The following TRARG1 variants were observed in gnomAD, a reference collection of about 807,000 sequenced individuals.
TRARG1 encodes the protein trafficking regulator of GLUT4 1.
In TRARG1, 16 loss-of-function variants were observed where a neutral mutation model predicts 13.3. The ratio of observed to expected loss-of-function variants is 1.20; its 90% CI spans 0.81 to 1.83. The LOEUF (loss-of-function observed/expected upper bound fraction) is 1.83. TRARG1 is among the 40% of genes most tolerant of loss of function. TRARG1 has a pLI of 0.00. For missense variants in TRARG1, 250 were observed against 237.4 expected (o/e 1.05, Z -0.35); for synonymous variants, 113 against 106.2 (o/e 1.06, Z -0.39).
At position 1,298,622 on chromosome 17, in the gene TRARG1, A is replaced by C. The variant is rs1054597023; in HGVS notation, c.*358A>C. On this transcript the variant is annotated 3_prime_UTR_variant, in exon 3 of 3. Coordinates refer to ENST00000333813, the MANE Select transcript of TRARG1 (RefSeq NM_172367.3). Reference sequence around the variant, plus strand: ...ATGAGGAAAAAACCCAGCCCCACAAACGAGACACACGCTGGCGGGGAGAGA... The same window carrying C: ...ATGAGGAAAAAACCCAGCCCCACAACCGAGACACACGCTGGCGGGGAGAGA... 15 of 277,178 alleles carry C rather than the reference A, an allele frequency of 5.4e-5. No individual in the cohort carries two copies. The highest frequency in any genetic ancestry group is 1.0e-3 in the Middle Eastern group (1 of 970). The allele number at this position is 277,178 out of a possible 1,614,324, so 17.2% of individuals were successfully genotyped here.
chr17:1,287,461 C>T (rs113700814), intron 1 of TRARG1, among the ~76,000 whole-genome samples: 2,722 of 150,442 alleles, frequency 0.018, 102 homozygotes, highest in African/African-American at 0.063. Context: ...CCCAGGTTCA[C>T]GCCATTCTCC....
At chr17:1,283,025 C>T (rs1598188412) in intron 1 of TRARG1, among the ~76,000 whole-genome samples, 2 of 152,196 alleles carry the variant, frequency 1.3e-5, no homozygotes, top group East Asian at 3.9e-4. Flanking sequence ...TGATGAATAC[C>T]AGGCTGGGCA....
At chr17:1,297,421 A>G (rs780168373) in intron 2 of TRARG1, among the ~76,000 whole-genome samples, 1 of 151,916 alleles carries the variant, frequency 6.6e-6, no homozygotes, top group Non-Finnish European at 1.5e-5. Context: ...CAGGTCCCAC[A>G]CTTTCTCACT....
At position 1,280,403 on chromosome 17, in the gene TRARG1, T is replaced by C; in HGVS notation, c.387+15T>C. On this transcript the variant is annotated intron_variant, in intron 1 of 2. Coordinates refer to ENST00000333813, the MANE Select transcript of TRARG1 (RefSeq NM_172367.3). The stretch of plus-strand genomic sequence containing the variant: ...TTTCCATCATGGTAAGTGCTGGTCT[T>C]TGTTCCAGGGGCAGGGGCTGGGCCC... 1.3e-6 allele frequency: 2 copies of C among 1,564,170 alleles called. No individual in the cohort carries two copies. Among genetic ancestry groups the C allele is most frequent in the Non-Finnish European group, 1.7e-6 (2 of 1,156,152 alleles).
chr17:1,284,598 T>C (rs1172842383), intron 1 of TRARG1, among the ~76,000 whole-genome samples: 1 of 152,234 alleles, frequency 6.6e-6, no homozygotes, highest in African/African-American at 2.4e-5. Flanking sequence ...TTCAGTCGAC[T>C]TGAACAGCAA....
chr17:1,291,339 G>A (rs12450409), intron 1 of TRARG1, among the ~76,000 whole-genome samples: 36,657 of 152,132 alleles, frequency 0.24, 4,712 homozygotes, highest in East Asian at 0.4. Context: ...TTAAACTCCC[G>A]ACTTCAGGTG....
Position 1,295,581 on chromosome 17 carries a change from G to C in TRARG1, c.478G>C (p.Gly160Arg). 1 of 1,613,250 alleles carries C rather than the reference G, an allele frequency of 6.2e-7. No homozygotes were observed. Among genetic ancestry groups the C allele is most frequent in the Non-Finnish European group, 8.5e-7 (1 of 1,179,758 alleles). Residue 160 changes from glycine (G) to arginine (R), a missense_variant, in exon 2 of 3, where the codon GGC becomes CGC. By Grantham distance (125) the Gly-to-Arg change is moderately radical. Transcript: ENST00000333813. The stretch of plus-strand genomic sequence containing the variant: ...GCTCAGCATTACCCTCATCATCATG[G>C]GCATCGTCATTATCATGGTGGCCGT... ...RLLSITLIIMGIVIIMVAVTV... is the reference protein window; with the variant it reads ...RLLSITLIIMRIVIIMVAVTV...
At chr17:1,280,783 C>G (rs1160031029) in intron 1 of TRARG1, among the ~76,000 whole-genome samples, 1 of 152,176 alleles carries the variant, frequency 6.6e-6, no homozygotes, top group Non-Finnish European at 1.5e-5. Flanking sequence ...AGAGGTTGCA[C>G]CGGACGGGGG....
At position 1,299,631 on chromosome 17, in the gene TRARG1, C is replaced by T. The variant is rs551600411; in HGVS notation, c.*1367C>T. 1 of 152,484 alleles carries T rather than the reference C, an allele frequency of 6.6e-6. No individual in the cohort carries two copies. Among genetic ancestry groups the T allele is most frequent in the South Asian group, 2.1e-4 (1 of 4,820 alleles). 9.4% of individuals were successfully genotyped at this position (152,484 alleles called of 1,614,324 possible). ...CTGGCCCAGGCTCCAGCCACAGGCA[C>T]CTCTCCTGCCCCCGCCCACCCTCCT... is the stretch of plus-strand genomic sequence containing the variant. On this transcript the variant is annotated 3_prime_UTR_variant, in exon 3 of 3. Coordinates refer to ENST00000333813, the MANE Select transcript of TRARG1 (RefSeq NM_172367.3).
intron 2 of TRARG1, among the ~76,000 whole-genome samples, chr17:1,296,339 G>A (rs538298032): frequency 6.6e-6 from 1 of 151,884 alleles, no homozygotes; most frequent in Admixed American, 6.6e-5. Context: ...TGGGATTACA[G>A]GCACCAGCCA....
rs772596247 is a variant in TRARG1, at chr17:1,295,589, C to T, written c.486C>T (p.Val162=). 1.2e-6 allele frequency: 2 copies of T among 1,613,156 alleles called. No homozygotes were observed. The highest frequency in any genetic ancestry group is 1.7e-6 in the Non-Finnish European group (2 of 1,179,732). ...TTACCCTCATCATCATGGGCATCGT[C>T]ATTATCATGGTGGCCGTGACCGTCA... ...LSITLIIMGI[V]IIMVAVTVNF... Residue 162 remains valine (V), a synonymous_variant, in exon 2 of 3, where the codon GTC becomes GTT. Transcript: ENST00000333813.
At chr17:1,290,993 C>A (rs1217104973) in intron 1 of TRARG1, among the ~76,000 whole-genome samples, 1 of 151,914 alleles carries the variant, frequency 6.6e-6, no homozygotes, top group Non-Finnish European at 1.5e-5. Flanking sequence ...GCAACCTCCA[C>A]CTCCCGGGTT....
intron 1 of TRARG1, among the ~76,000 whole-genome samples, chr17:1,290,003 G>A (rs2072058887): frequency 6.6e-6 from 1 of 152,102 alleles, no homozygotes; most frequent in African/African-American, 2.4e-5. Flanking sequence ...CAGCACCCAA[G>A]CCGGGAACCT....
rs201414985 is a variant in TRARG1 at position 1,295,590 on chromosome 17, A to G, written c.487A>G (p.Ile163Val). 27 of 1,613,052 alleles carry G rather than the reference A, an allele frequency of 1.7e-5. No homozygotes were observed. The East Asian group carries it at 6.0e-4, about 36-fold the overall frequency. The part of the protein sequence containing the change: ...SITLIIMGIV[I>V]IMVAVTVNFT... ...TACCCTCATCATCATGGGCATCGTC[A>G]TTATCATGGTGGCCGTGACCGTCAA... Residue 163 changes from isoleucine to valine, a missense_variant, in exon 2 of 3, where the codon ATT becomes GTT. Transcript: ENST00000333813.
chr17:1,280,229 G>T lies in TRARG1; in HGVS notation c.228G>T (p.Arg76=). Residue 76 remains arginine (R), a synonymous_variant, in exon 1 of 3, where the codon CGG becomes CGT. Coordinates refer to ENST00000333813, the MANE Select transcript of TRARG1 (RefSeq NM_172367.3). ...GGCACCTGGAGGCCCCACTGCCTCG[G>T]TCCCCCTCCCGGGCCAGCTCAAGGA... is the stretch of plus-strand genomic sequence containing the variant. The part of the protein sequence containing the change: ...SEGHLEAPLP[R]SPSRASSRRA... The T allele has an allele frequency of 6.2e-7, 1 of 1,614,058 alleles. No individual in the cohort carries two copies. The highest frequency in any genetic ancestry group is 8.5e-7 in the Non-Finnish European group (1 of 1,179,994).
chr17:1,286,056 G>A (rs1243187560), intron 1 of TRARG1, among the ~76,000 whole-genome samples: 2 of 152,234 alleles, frequency 1.3e-5, no homozygotes, highest in Non-Finnish European at 1.5e-5. Context: ...TGGATGAGCT[G>A]AGGTCCTGGA....
At position 1,281,530 on chromosome 17, in the gene TRARG1, G is replaced by GTAC. The variant is rs1315670628; in HGVS notation, c.387+1146_387+1148dup. Reference sequence around the variant, plus strand: ...AGCCTTCCCCATCCCACCAAAGCCAGTACTACCTTTCAGGACATCAGGGGG... The same window carrying GTAC: ...AGCCTTCCCCATCCCACCAAAGCCAGTACTACTACCTTTCAGGACATCAGGGGG... On this transcript the variant is annotated intron_variant, in intron 1 of 2. Coordinates refer to ENST00000333813, the MANE Select transcript of TRARG1 (RefSeq NM_172367.3). Among the ~76,000 whole-genome samples the GTAC allele has an allele frequency of 3.3e-5, 5 of 152,186 alleles. No individual in the cohort carries two copies. In the East Asian group the frequency reaches 9.6e-4, roughly 29 times the overall value.
intron 1 of TRARG1, among the ~76,000 whole-genome samples, chr17:1,294,187 G>T (rs1054406441): frequency 6.6e-6 from 1 of 152,062 alleles, no homozygotes; most frequent in Non-Finnish European, 1.5e-5. Context: ...CCTTAGAGAT[G>T]CTTGGGCTCC....
At chr17:1,284,122 A>AAAAAGAAAG (rs568425326) in intron 1 of TRARG1, among the ~76,000 whole-genome samples, 1 of 149,404 alleles carries the variant, frequency 6.7e-6, no homozygotes, top group African/African-American at 2.5e-5. Flanking sequence ...CTCAAAAAAA[A>AAAAAGAAAG]AAAGAAAGAA....
Sources: allele counts gnomAD v4.1 joint callset (sites outside exome capture counted in the v4.1 genomes callset), GRCh38; gene constraint gnomAD v4.1.1; transcripts MANE v1.5; gene names NCBI Gene and HGNC (gene_info 2026-07-23, HGNC 2026-07-21).